Variants in DMD observed in about 807,000 individuals in gnomAD.
DMD encodes dystrophin.
Under a neutral mutation model 330.1 loss-of-function variants are expected in DMD, and 63 were observed. The observed-to-expected ratio is 0.19, with a 90% CI of 0.16 to 0.24. The LOEUF (loss-of-function observed/expected upper bound fraction) is 0.24, where lower values mean the gene tolerates loss of function less well. Ranked by LOEUF, DMD falls within the 10% of genes least tolerant of loss-of-function variation. The pLI is 1.00. For synonymous variants in DMD, 1,223 were observed against 959.8 expected (o/e 1.27, Z -5.07); for missense variants, 3,344 against 2,684.1 (o/e 1.25, Z -5.43).
intron 54 of DMD, among the ~76,000 whole-genome samples, chrX:31,649,627 G>T (rs1320254349): frequency 9.3e-6 from 1 of 107,955 alleles, no homozygotes; most frequent in Non-Finnish European, 1.9e-5. Flanking sequence ...CGCCCAGGCT[G>T]TAGTGCAGTG....
intron 63 of DMD, among the ~76,000 whole-genome samples, chrX:31,252,702 T>G (rs200120493): frequency 1.4e-5 from 1 of 73,379 alleles, no homozygotes; most frequent in Non-Finnish European, 3.3e-5. Flanking sequence ...GCTACACAAA[T>G]AAAGTACAAT....
chrX:33,042,886 G>T (rs778333869), intron 1 of DMD, among the ~76,000 whole-genome samples: 235 of 111,657 alleles, frequency 2.1e-3, no homozygotes, highest in African/African-American at 7.3e-3. Flanking sequence ...CTTGGATGGA[G>T]ATTAAGACTC....
chrX:32,319,595 T>A (rs1338645605), intron 41 of DMD, among the ~76,000 whole-genome samples: 1 of 111,770 alleles, frequency 8.9e-6, no homozygotes, highest in Non-Finnish European at 1.9e-5. Context: ...AAAAGGTATA[T>A]CTGATTTCAC....
intron 63 of DMD, among the ~76,000 whole-genome samples, chrX:31,249,420 A>G (rs1340243651): frequency 1.8e-5 from 2 of 110,204 alleles, no homozygotes; most frequent in African/African-American, 6.6e-5. Context: ...TTAAATTTTT[A>G]TTTTAGTAGA....
At chrX:32,825,740 C>T (rs2078640765) in intron 4 of DMD, among the ~76,000 whole-genome samples, 1 of 111,495 alleles carries the variant, frequency 9.0e-6, no homozygotes, top group African/African-American at 3.3e-5. Context: ...ACCTTGGAAA[C>T]ATATGCTAAG....
At chrX:31,388,919 A>C (rs751977494) in intron 60 of DMD, among the ~76,000 whole-genome samples, 1 of 112,217 alleles carries the variant, frequency 8.9e-6, no homozygotes, top group Non-Finnish European at 1.9e-5. Context: ...AAAACAAAAC[A>C]AAACCAAAAA....
At chrX:32,893,545 CAA>C (rs1188629910) in intron 2 of DMD, among the ~76,000 whole-genome samples, 3 of 112,152 alleles carry the variant, frequency 2.7e-5, no homozygotes, top group East Asian at 5.6e-4. Flanking sequence ...TTTGTCTTAT[CAA>C]AGCCATTAAA....
intron 48 of DMD, among the ~76,000 whole-genome samples, chrX:31,854,509 C>T (rs1434166778): frequency 9.0e-6 from 1 of 111,383 alleles, no homozygotes; most frequent in Non-Finnish European, 1.9e-5. Context: ...ATCTCCATTG[C>T]AGAGCCTCTC....
chrX:32,902,158 A>AACACACACACAC (rs774414536), intron 2 of DMD, among the ~76,000 whole-genome samples: 146 of 86,639 alleles, frequency 1.7e-3, no homozygotes, highest in Middle Eastern at 6.2e-3. Context: ...CACACACACA[A>AACACACACACAC]ACACACACAC....
intron 43 of DMD, among the ~76,000 whole-genome samples, chrX:32,232,122 G>A (rs751878098): frequency 9.0e-6 from 1 of 111,473 alleles, no homozygotes; most frequent in Admixed American, 9.5e-5. Context: ...ACTAGAAATA[G>A]CAAGGAAAAA....
At chrX:31,968,969 TA>T (rs899717725) in intron 44 of DMD, among the ~76,000 whole-genome samples, 39 of 109,815 alleles carry the variant, frequency 3.6e-4, no homozygotes, top group South Asian at 1.5e-3. Context: ...GTCACAGTAT[TA>T]AAAAAAAACT....
intron 55 of DMD, among the ~76,000 whole-genome samples, chrX:31,603,911 G>A (rs969502765): frequency 9.0e-6 from 1 of 111,630 alleles, no homozygotes; most frequent in Non-Finnish European, 1.9e-5. Flanking sequence ...TCCACTCCTT[G>A]ACCTTCGCAT....
In DMD at chrX:31,925,549, G is replaced by A. The variant is rs146304073; in HGVS notation, c.6912+4047C>T. 2.7e-5 allele frequency among the ~76,000 whole-genome samples: 3 copies of A among 111,481 alleles called. No homozygotes were observed. In the Admixed American group the frequency reaches 2.9e-4, roughly 11 times the overall value. On this transcript the variant is annotated intron_variant, in intron 47 of 78. Transcript: ENST00000357033. The stretch of plus-strand genomic sequence containing the variant: ...ATGTGTTACATAAACAACTGGGGCA[G>A]AAAAAGAGTGGCAAATATGCAAATA...
intron 44 of DMD, among the ~76,000 whole-genome samples, chrX:32,033,551 G>A (rs916068998): frequency 1.9e-5 from 2 of 104,836 alleles, no homozygotes; most frequent in East Asian, 6.0e-4. Flanking sequence ...CAAATTCCTT[G>A]CCAGGGAATA....
intron 42 of DMD, among the ~76,000 whole-genome samples, chrX:32,307,061 C>T (rs1310337824): frequency 9.0e-6 from 1 of 111,194 alleles, no homozygotes; most frequent in Non-Finnish European, 1.9e-5. Context: ...CTAAGAATTT[C>T]TCTACGTAAA....
intron 62 of DMD, among the ~76,000 whole-genome samples, chrX:31,289,931 T>C (rs903962782): frequency 3.0e-5 from 3 of 100,265 alleles, no homozygotes; most frequent in Non-Finnish European, 6.0e-5. Flanking sequence ...TTATTATTAT[T>C]ATTATTTGAG....
intron 2 of DMD, among the ~76,000 whole-genome samples, chrX:32,860,112 C>G (rs931115140): frequency 9.0e-6 from 1 of 111,644 alleles, no homozygotes; most frequent in Non-Finnish European, 1.9e-5. Context: ...TAAAGAAATA[C>G]GGAAGCACAA....
chrX:32,775,871 C>T (rs1019582981), intron 7 of DMD, among the ~76,000 whole-genome samples: 23 of 112,698 alleles, frequency 2.0e-4, no homozygotes, highest in South Asian at 3.6e-4. Flanking sequence ...TCTTTTCTGC[C>T]GCATGGACAG....
intron 50 of DMD, among the ~76,000 whole-genome samples, chrX:31,797,827 A>G (rs779974679): frequency 2.1e-4 from 23 of 111,773 alleles, no homozygotes; most frequent in South Asian, 1.1e-3. Context: ...TAAGGGACAT[A>G]TAAAGTGAAA....
Sources: gnomAD v4.1 joint callset for allele counts (sites outside exome capture counted in the v4.1 genomes callset) on GRCh38, gnomAD v4.1.1 for gene constraint, MANE v1.5 for transcripts, NCBI Gene and HGNC (gene_info 2026-07-23, HGNC 2026-07-21) for gene names.